NTRK2: variants seen among roughly 807,000 people sequenced by gnomAD.
NTRK2 encodes neurotrophic receptor tyrosine kinase 2.
A neutral mutation model predicts 94.5 loss-of-function variants in NTRK2; 13 were observed. The observed-to-expected ratio is 0.14, with a 90% CI of 0.09 to 0.22. NTRK2 has a LOEUF of 0.22. Ranked by LOEUF, NTRK2 falls within the 10% of genes least tolerant of loss-of-function variation. The probability of loss-of-function intolerance (pLI) is 1.00; values close to 1 mark genes in which losing one functional copy is unlikely to be tolerated. For missense variants in NTRK2, 639 were observed against 1,071.2 expected (o/e 0.60, Z 5.63); for synonymous variants, 372 against 407.4 (o/e 0.91, Z 1.05).
At chr9:84,707,733 TA>T (rs1363869398) in intron 4 of NTRK2, 110 bp from the exon 5 acceptor site, 3 of 835,744 alleles carry the variant, frequency 3.6e-6, no homozygotes, top group Non-Finnish European at 5.9e-6. Flanking sequence ...AAGTAAAGCT[TA>T]TATAATGATC....
At chr9:84,887,250 A>G (rs978453047) in intron 14 of NTRK2, among the ~76,000 whole-genome samples, 1 of 152,230 alleles carries the variant, frequency 6.6e-6, no homozygotes, top group African/African-American at 2.4e-5. Flanking sequence ...GTGTTTTATA[A>G]CCAAGTATGA....
intron 11 of NTRK2, among the ~76,000 whole-genome samples, chr9:84,750,711 A>G (rs1261643617): frequency 3.3e-5 from 5 of 152,246 alleles, no homozygotes; most frequent in Non-Finnish European, 5.9e-5. Context: ...TGAAGTATTT[A>G]CCATCTGACC....
intron 17 of NTRK2, 162 bp downstream of exon 17, chr9:84,955,679 GGTGTGAGT>G (rs1824026439): frequency 1.4e-6 from 1 of 726,746 alleles, no homozygotes; most frequent in East Asian, 2.7e-5. Context: ...CCAAGCTCAA[GGTGTGAGT>G]GGGATTGGTT....
intron 17 of NTRK2, among the ~76,000 whole-genome samples, chr9:84,981,064 T>C (rs568633063): frequency 1.3e-5 from 2 of 152,274 alleles, no homozygotes; most frequent in African/African-American, 4.8e-5. Context: ...ATTTTCTGCT[T>C]TTTGCTTTCA....
chr9:84,859,194 C>T lies in NTRK2; in HGVS notation c.1397-1846C>T, dbSNP rs144223423. Among the ~76,000 whole-genome samples, 359 of 152,280 alleles carry T rather than the reference C, an allele frequency of 2.4e-3. 6 individuals carry two copies. Among genetic ancestry groups the T allele is most frequent in the Admixed American group, 0.023 (344 of 15,284 alleles). On this transcript the variant is annotated intron_variant, in intron 12 of 18. Transcript: ENST00000277120. Reference sequence around the variant, plus strand: ...GGTGTGAATGGTTTCATGGGGCACACGATGGGAGGGGAATATTTGTGAGGT... The same window carrying T: ...GGTGTGAATGGTTTCATGGGGCACATGATGGGAGGGGAATATTTGTGAGGT...
intron 12 of NTRK2, chr9:84,812,360 G>A (rs2071904203): frequency 9.4e-7 from 1 of 1,058,668 alleles, no homozygotes; most frequent in Non-Finnish European, 1.1e-6. Context: ...CCTTAAAGAG[G>A]GGCAGTTTCT....
intron 12 of NTRK2, among the ~76,000 whole-genome samples, chr9:84,856,472 G>A (rs570586066): frequency 1.3e-5 from 2 of 152,246 alleles, no homozygotes; most frequent in Admixed American, 6.5e-5. Context: ...TCAACAAGGC[G>A]AACTTTTGCA....
intron 14 of NTRK2, among the ~76,000 whole-genome samples, chr9:84,883,195 G>C (rs1386691010): frequency 1.3e-5 from 2 of 152,228 alleles, no homozygotes; most frequent in African/African-American, 4.8e-5. Flanking sequence ...ATAAATGTAA[G>C]AGTTTGGGGA....
chr9:84,955,424 G>A lies in NTRK2; in HGVS notation c.2079G>A (p.Leu693=), dbSNP rs2132976965. 1 of 1,614,246 alleles carries A rather than the reference G, an allele frequency of 6.2e-7. No individual in the cohort carries two copies. Among genetic ancestry groups the A allele is most frequent in the Non-Finnish European group, 8.5e-7 (1 of 1,180,042 alleles). The change falls in exon 17 of 19, where the codon TTG becomes TTA. Residue 693 remains leucine (L), a synonymous_variant. Coordinates refer to ENST00000277120, the MANE Select transcript of NTRK2 (RefSeq NM_006180.6). The part of the protein sequence containing the change: ...LASQHFVHRD[L]ATRNCLVGEN... Reference sequence around the variant, plus strand: ...CCCAGCACTTCGTGCACCGCGATTTGGCCACCAGGAACTGCCTGGTCGGGG... The same window carrying A: ...CCCAGCACTTCGTGCACCGCGATTTAGCCACCAGGAACTGCCTGGTCGGGG...
intron 2 of NTRK2, among the ~76,000 whole-genome samples, chr9:84,675,675 T>G (rs989736038): frequency 2.6e-5 from 4 of 152,002 alleles, no homozygotes; most frequent in African/African-American, 9.7e-5. Context: ...GAGAGAAAGA[T>G]AGAGGGAAGA....
intron 14 of NTRK2, among the ~76,000 whole-genome samples, chr9:84,882,761 C>T (rs980181762): frequency 2.0e-5 from 3 of 151,178 alleles, no homozygotes; most frequent in African/African-American, 7.3e-5. Context: ...ACTAGAAATA[C>T]TTTCTTTTAT....
intron 14 of NTRK2, among the ~76,000 whole-genome samples, chr9:84,930,480 A>G (rs2077984815): frequency 6.6e-6 from 1 of 152,094 alleles, no homozygotes; most frequent in Non-Finnish European, 1.5e-5. Flanking sequence ...CACGAGGGAG[A>G]GGGAGTAAAG....
intron 12 of NTRK2, among the ~76,000 whole-genome samples, chr9:84,841,932 T>C (rs1409510441): frequency 6.6e-6 from 1 of 152,228 alleles, no homozygotes; most frequent in Non-Finnish European, 1.5e-5. Context: ...TTCAGAGCCA[T>C]GTGATGAGAC....
At chr9:84,782,722 C>T (rs780323729) in intron 12 of NTRK2, among the ~76,000 whole-genome samples, 36 of 152,234 alleles carry the variant, frequency 2.4e-4, no homozygotes, top group Middle Eastern at 3.4e-3. Flanking sequence ...GAGGCAGTGA[C>T]GTTTCTTTAC....
At chr9:85,000,989 TA>T (rs937879394) in intron 17 of NTRK2, among the ~76,000 whole-genome samples, 2 of 152,234 alleles carry the variant, frequency 1.3e-5, no homozygotes, top group African/African-American at 2.4e-5. Context: ...TGGTACACAT[TA>T]CAGCATTTTG....
chr9:84,861,158 G>A, intron 13 of NTRK2, 71 bp downstream of exon 13: 1 of 1,196,516 alleles, frequency 8.4e-7, no homozygotes, highest in South Asian at 1.2e-5. Flanking sequence ...AAAATGCTTA[G>A]ACCCTCTTTA....
intron 12 of NTRK2, among the ~76,000 whole-genome samples, chr9:84,816,045 G>A (rs2072363954): frequency 6.6e-6 from 1 of 150,550 alleles, no homozygotes; most frequent in African/African-American, 2.4e-5. Context: ...AAATTCTATG[G>A]CAAAGCCCTT....
Position 84,670,980 on chromosome 9 carries a change from CCTCCTTTTT to C in NTRK2, c.212+27_212+35del. 2 of 1,599,934 alleles carry C rather than the reference CCTCCTTTTT, an allele frequency of 1.3e-6. No homozygotes were observed. The highest frequency in any genetic ancestry group is 1.1e-5 in the South Asian group (1 of 90,914). On this transcript the variant is annotated intron_variant, in intron 2 of 18. Transcript: ENST00000277120. Reference sequence around the variant, plus strand: ...CGAAATGTGAGTTCCTGGAGCTTTTCCTCCTTTTTCTCCTTGCCCCTAGGGCCCGAGCTG... The same window carrying C: ...CGAAATGTGAGTTCCTGGAGCTTTTCCTCCTTGCCCCTAGGGCCCGAGCTG...
chr9:85,007,781 C>T (rs1226761632), intron 17 of NTRK2, among the ~76,000 whole-genome samples: 1 of 152,212 alleles, frequency 6.6e-6, no homozygotes. Flanking sequence ...CTGATATGGC[C>T]TCTTTATCCC....
Sources: gnomAD v4.1 joint callset for allele counts (sites outside exome capture counted in the v4.1 genomes callset) on GRCh38, gnomAD v4.1.1 for gene constraint, MANE v1.5 for transcripts, NCBI Gene and HGNC (gene_info 2026-07-23, HGNC 2026-07-21) for gene names.